The following SHANK2 variants were observed in gnomAD, a reference collection of about 807,000 sequenced individuals.
SHANK2 encodes SH3 and multiple ankyrin repeat domains 2, also known as SH3 and multiple ankyrin repeat domains protein 2.
In SHANK2, 43 loss-of-function variants were observed where a neutral mutation model predicts 133.7. That is an observed-to-expected ratio of 0.32 (90% CI 0.25 to 0.41). The LOEUF (loss-of-function observed/expected upper bound fraction) is 0.41. Ranked by LOEUF, SHANK2 falls within the 10% of genes least tolerant of loss-of-function variation. SHANK2 has a pLI of 1.00. For synonymous variants in SHANK2, 1,017 were observed against 952.8 expected (o/e 1.07, Z -1.24); for missense variants, 1,994 against 2,235.8 (o/e 0.89, Z 2.18).
At position 70,487,295 on chromosome 11, in the gene SHANK2, C is replaced by A. The variant is rs782033852; in HGVS notation, c.2998G>T (p.Val1000Phe). 3.1e-6 allele frequency: 5 copies of A among 1,614,202 alleles called. No individual in the cohort carries two copies. Among genetic ancestry groups the A allele is most frequent in the Non-Finnish European group, 4.2e-6 (5 of 1,180,040 alleles). ...CTGGCGGGCTTGGCGGGGACGTAGA[C>A]GGCTTTGCTGGCGATCTTCCCCACC... ...SEVGKIASKA[V>F]YVPAKPARRK... Residue 1000 changes from valine to phenylalanine, a missense_variant, in exon 25 of 26, where the codon GTC (valine) becomes TTC (phenylalanine). Coordinates refer to ENST00000601538, the MANE Select transcript of SHANK2 (RefSeq NM_012309.5). The surrounding 1 kb of genome is among the most constrained non-coding windows in gnomAD (Gnocchi z 5.8).
intron 17 of SHANK2, among the ~76,000 whole-genome samples, chr11:70,583,220 C>A (rs2060206530): frequency 6.6e-6 from 1 of 152,162 alleles, no homozygotes; most frequent in African/African-American, 2.4e-5. Flanking sequence ...GATTCCCAGG[C>A]TGACTCCAGA....
At chr11:70,857,655 T>C (rs543873480) in intron 11 of SHANK2, among the ~76,000 whole-genome samples, 1 of 152,148 alleles carries the variant, frequency 6.6e-6, no homozygotes, top group Non-Finnish European at 1.5e-5. Context: ...AGCACTTTAG[T>C]TGACGTGATG....
intron 10 of SHANK2, chr11:70,907,861 G>A (rs781914901): frequency 4.2e-5 from 19 of 454,002 alleles, no homozygotes; most frequent in South Asian, 2.2e-4. Flanking sequence ...CAACAATTTC[G>A]GAGGTAGAGG....
chr11:71,101,853 G>A (rs1483293687), intron 6 of SHANK2, among the ~76,000 whole-genome samples: 5 of 152,192 alleles, frequency 3.3e-5, no homozygotes, highest in East Asian at 1.9e-4. Flanking sequence ...AGGGGAAGCC[G>A]GAGTTGGGGG....
At chr11:71,098,555 G>A (rs1271105884) in intron 6 of SHANK2, among the ~76,000 whole-genome samples, 2 of 152,152 alleles carry the variant, frequency 1.3e-5, no homozygotes, top group African/African-American at 4.8e-5. Context: ...CATATCACAG[G>A]TGTAGGAATC....
At chr11:70,923,447 T>C (rs559937949) in intron 10 of SHANK2, among the ~76,000 whole-genome samples, 10 of 152,204 alleles carry the variant, frequency 6.6e-5, no homozygotes, top group Admixed American at 5.2e-4. Context: ...TTCACCATGT[T>C]GCCAGGCTGG....
intron 23 of SHANK2, chr11:70,489,924 C>A (rs1302273525): frequency 8.5e-6 from 3 of 351,014 alleles, no homozygotes; most frequent in Non-Finnish European, 1.6e-5. Flanking sequence ...ACTTACCCTT[C>A]CCACCCTGAG....
intron 17 of SHANK2, among the ~76,000 whole-genome samples, chr11:70,531,886 G>A (rs1265581528): frequency 6.6e-6 from 1 of 152,150 alleles, no homozygotes; most frequent in Non-Finnish European, 1.5e-5. Context: ...CTGGGTGCTG[G>A]GGCTTGTCTC....
intron 15 of SHANK2, among the ~76,000 whole-genome samples, chr11:70,683,048 C>G (rs550621832): frequency 2.0e-4 from 30 of 152,330 alleles, no homozygotes; most frequent in African/African-American, 7.0e-4. Flanking sequence ...AAGACGCTGT[C>G]TCCCTGATGG....
At chr11:70,851,130 C>G (rs1247177551) in intron 11 of SHANK2, among the ~76,000 whole-genome samples, 1 of 152,186 alleles carries the variant, frequency 6.6e-6, no homozygotes, top group Non-Finnish European at 1.5e-5. Flanking sequence ...ACTCTCTGGA[C>G]TTTCCACTTC....
intron 14 of SHANK2, among the ~76,000 whole-genome samples, chr11:70,761,563 G>A (rs1434492457): frequency 2.0e-5 from 3 of 152,360 alleles, no homozygotes; most frequent in Non-Finnish European, 4.4e-5. Flanking sequence ...GGCTCATCCC[G>A]GGTGCACCAG....
chr11:70,742,898 A>G (rs1312376977), intron 14 of SHANK2, among the ~76,000 whole-genome samples: 45 of 152,104 alleles, frequency 3.0e-4, no homozygotes, highest in Non-Finnish European at 8.8e-5. Context: ...GGAAGTAGAA[A>G]ATTCACACCT....
At chr11:70,904,331 C>T (rs1269200519) in intron 10 of SHANK2, among the ~76,000 whole-genome samples, 4 of 152,070 alleles carry the variant, frequency 2.6e-5, no homozygotes, top group Non-Finnish European at 4.4e-5. Context: ...GCTCAGGTCC[C>T]GCAGGTGGCG....
chr11:71,238,836 C>A (rs546697070), intron 1 of SHANK2, among the ~76,000 whole-genome samples: 2 of 152,332 alleles, frequency 1.3e-5, no homozygotes, highest in South Asian at 4.1e-4. Context: ...CCACAGAGGA[C>A]TCTCCCCAGA....
intron 14 of SHANK2, among the ~76,000 whole-genome samples, chr11:70,789,428 C>G (rs1947740066): frequency 6.6e-6 from 1 of 152,188 alleles, no homozygotes; most frequent in Non-Finnish European, 1.5e-5. Context: ...CAGACTTACC[C>G]CACAAGAGTG....
At chr11:71,220,332 G>A (rs1030311533) in intron 2 of SHANK2, among the ~76,000 whole-genome samples, 2 of 152,206 alleles carry the variant, frequency 1.3e-5, no homozygotes, top group South Asian at 2.1e-4. Flanking sequence ...TGGTGGGAAT[G>A]TAAAATAGTA....
At position 70,492,448 on chromosome 11, in the gene SHANK2, C is replaced by G; in HGVS notation, c.2326G>C (p.Val776Leu). Residue 776 changes from valine to leucine, a missense_variant, in exon 22 of 26, where the codon GTC (valine) becomes CTC (leucine). By Grantham distance (32) the Val-to-Leu change is conservative. Around this residue, in one of 5 missense-constraint regions of SHANK2, gnomAD observed 488 missense variants for 642.6 expected, o/e 0.76. Transcript: ENST00000601538. ...GCGCGGGAGGGCTTGGAGGCCGGGACTATCTCCTCGGGTTTATCTGCAATA... is the reference window on the plus strand; with the variant it reads ...GCGCGGGAGGGCTTGGAGGCCGGGAGTATCTCCTCGGGTTTATCTGCAATA... The part of the protein sequence containing the change: ...RKKKDKPEEI[V>L]PASKPSRAAE... 1.2e-6 allele frequency: 2 copies of G among 1,614,064 alleles called. No individual in the cohort carries two copies. The highest frequency in any genetic ancestry group is 1.1e-5 in the South Asian group (1 of 91,084).
intron 10 of SHANK2, among the ~76,000 whole-genome samples, chr11:70,900,761 T>C (rs1950011683): frequency 6.6e-6 from 1 of 152,168 alleles, no homozygotes; most frequent in African/African-American, 2.4e-5. Context: ...CTCCTGCCTG[T>C]CCTCTGGCAC....
At chr11:70,864,182 G>C (rs185901159) in intron 11 of SHANK2, 193 of 201,472 alleles carry the variant, frequency 9.6e-4, no homozygotes, top group African/African-American at 4.4e-3. Flanking sequence ...ATTTGGAAAG[G>C]GAAAACCAGC....
Sources: allele counts gnomAD v4.1 joint callset (sites outside exome capture counted in the v4.1 genomes callset), GRCh38; gene constraint gnomAD v4.1.1; regional missense constraint gnomAD v4.1.1; non-coding constraint Gnocchi (gnomAD v3.1); transcripts MANE v1.5; gene names NCBI Gene and HGNC (gene_info 2026-07-23, HGNC 2026-07-21).